The following GRAMD1A variants were observed in gnomAD, a reference collection of about 807,000 sequenced individuals.
The protein encoded by GRAMD1A is protein Aster-A.
In GRAMD1A, 50 loss-of-function variants were observed where a neutral mutation model predicts 92.0. That is an observed-to-expected ratio of 0.54 (90% CI 0.43 to 0.69). The LOEUF (loss-of-function observed/expected upper bound fraction) is 0.69, where lower values mean the gene tolerates loss of function less well. GRAMD1A is among the 30% of genes least tolerant of loss of function. GRAMD1A has a pLI of 0.00. For synonymous variants in GRAMD1A, 405 were observed against 403.6 expected, an observed-to-expected ratio of 1.00 and a Z score of -0.04; for missense variants, 819 against 978.9, an observed-to-expected ratio of 0.84 and a Z score of 2.18.
At chr19:35,015,203 T>G (rs531724822) in intron 10 of GRAMD1A, 3 of 152,294 alleles carry the variant, frequency 2.0e-5, no homozygotes, top group Non-Finnish European at 4.4e-5. Flanking sequence ...TTAAGTGATT[T>G]CATACATTTA....
chr19:34,997,317 G>A (rs562834839), upstream of GRAMD1A, among the ~76,000 whole-genome samples: 3 of 143,948 alleles, frequency 2.1e-5, no homozygotes, highest in South Asian at 6.5e-4. Context: ...GTGGCATTAT[G>A]TGTATTTCTA....
At chr19:34,995,961 C>A, upstream of GRAMD1A, 1 of 1,390,892 alleles carries the variant, frequency 7.2e-7, no homozygotes, top group Non-Finnish European at 9.6e-7. Flanking sequence ...TAAGCGGGAG[C>A]TCTATCCCTC....
rs569493177 is a variant in GRAMD1A at position 35,014,490 on chromosome 19, G to A, written c.1069+103G>A. Reference sequence around the variant, plus strand: ...CGCCCGCAGCACTGAGAATCCAGGGGCAGGCGGGATGGCGTTCAGGCGCTG... The same window carrying A: ...CGCCCGCAGCACTGAGAATCCAGGGACAGGCGGGATGGCGTTCAGGCGCTG... On this transcript the variant is annotated intron_variant, in intron 10 of 19. Transcript: ENST00000317991. The A allele has an allele frequency of 3.1e-4, 321 of 1,023,166 alleles. 8 individuals are homozygous for A. In the South Asian group the frequency reaches 4.2e-3, roughly 13 times the overall value. 63.4% of individuals were successfully genotyped at this position (1,023,166 alleles called of 1,614,324 possible). A position where few individuals can be genotyped will look rare whatever the true frequency, so the allele number is the denominator to read the frequency against.
rs749320191 is a variant in GRAMD1A at position 35,000,527 on chromosome 19, G to A, written c.8+41G>A. On this transcript the variant is annotated intron_variant, in intron 1 of 19. Coordinates refer to ENST00000317991, the MANE Select transcript of GRAMD1A (RefSeq NM_020895.5). The surrounding 1 kb of genome is among the most constrained non-coding windows in gnomAD (Gnocchi z 4.9). ...CTAGAGCTCAGGGACCGGGCGCGCG[G>A]GGGAGGCCACCGGAGGGAGGGGGCG... 10 of 1,255,026 alleles carry A rather than the reference G, an allele frequency of 8.0e-6. No individual in the cohort carries two copies. The South Asian group carries it at 1.9e-4, about 24-fold the overall frequency. 77.7% of individuals were successfully genotyped at this position (1,255,026 alleles called of 1,614,324 possible).
chr19:35,023,094 C>A, intron 17 of GRAMD1A, 142 bp from the exon 18 acceptor site: 1 of 804,824 alleles, frequency 1.2e-6, no homozygotes, highest in Non-Finnish European at 2.2e-6. Flanking sequence ...CTGTGCAACC[C>A]TAGGCATGTC....
chr19:35,016,812 G>C (rs913598797), intron 11 of GRAMD1A, among the ~76,000 whole-genome samples: 10 of 150,870 alleles, frequency 6.6e-5, no homozygotes, highest in Non-Finnish European at 1.0e-4. Context: ...GGCTAAGGCA[G>C]GAGAATCACT....
At chr19:34,997,165 C>T (rs555430862), upstream of GRAMD1A, among the ~76,000 whole-genome samples, 7 of 152,112 alleles carry the variant, frequency 4.6e-5, no homozygotes, top group African/African-American at 1.2e-4. Context: ...GCACCCTCCT[C>T]GGCCTCCCAA....
At position 35,014,367 on chromosome 19, in the gene GRAMD1A, C is replaced by G. The variant is rs977189616; in HGVS notation, c.1049C>G (p.Ser350Cys). 40 of 1,614,116 alleles carry G rather than the reference C, an allele frequency of 2.5e-5. No homozygotes were observed. The highest frequency in any genetic ancestry group is 3.4e-5 in the Non-Finnish European group (40 of 1,179,966). ...CTATTGACAGACACAAGTAACTCCT[C>G]TTCATCCACTGGGGAGGAAGGTGAG... ...EELLTDTSNSSSSTGEEADLA... is the reference protein window; with the variant it reads ...EELLTDTSNSCSSTGEEADLA... The change falls in exon 10 of 20, where the codon TCT (serine) becomes TGT (cysteine). Residue 350 changes from serine (S) to cysteine (C), a missense_variant. Around this residue, in one of 3 missense-constraint regions of GRAMD1A, gnomAD observed 577 missense variants for 674.6 expected, o/e 0.86. Coordinates refer to ENST00000317991, the MANE Select transcript of GRAMD1A (RefSeq NM_020895.5).
Position 35,014,284 on chromosome 19 carries a change from C to A in GRAMD1A, c.966C>A (p.Pro322=), listed in dbSNP as rs1312741525. 6.2e-7 allele frequency: 1 copy of A among 1,614,152 alleles called. No individual in the cohort carries two copies. Among genetic ancestry groups the A allele is most frequent in the Non-Finnish European group, 8.5e-7 (1 of 1,179,994 alleles). Residue 322 remains proline, a synonymous_variant, in exon 10 of 20, where the codon CCC becomes CCA. Coordinates refer to ENST00000317991, the MANE Select transcript of GRAMD1A (RefSeq NM_020895.5). ...TGGCTGAACCCCCGAGCACAGAGCC[C>A]ACCCAGCCTGACGGGCCCACCACCC... ...TPVAEPPSTE[P]TQPDGPTTLG...
chr19:35,008,739 C>T (rs1025814984), intron 1 of GRAMD1A, among the ~76,000 whole-genome samples: 3 of 152,150 alleles, frequency 2.0e-5, no homozygotes, highest in African/African-American at 7.2e-5. Flanking sequence ...ATCAGTTGAA[C>T]CCAGGAGGCA....
Position 35,009,102 on chromosome 19 carries a change from C to T in GRAMD1A, c.9-17C>T. 1 of 1,576,458 alleles carries T rather than the reference C, an allele frequency of 6.3e-7. No homozygotes were observed. The highest frequency in any genetic ancestry group is 8.7e-7 in the Non-Finnish European group (1 of 1,146,326). On this transcript the variant is annotated splice_polypyrimidine_tract_variant and intron_variant, in intron 1 of 19. Transcript: ENST00000317991. ...GTTTTTTCCAGTTAACACTTCTCTTCCTCTTCCTGCCCCCAGCACCACACC... is the reference window on the plus strand; with the variant it reads ...GTTTTTTCCAGTTAACACTTCTCTTTCTCTTCCTGCCCCCAGCACCACACC...
At position 35,014,215 on chromosome 19, in the gene GRAMD1A, A is replaced by G; in HGVS notation, c.897A>G (p.Val299=). Reference sequence around the variant, plus strand: ...CAGAGGAGGACAAGGAGGAGCAGGTAGACAGCCAGCCAGACGCCTCCTCCA... The same window carrying G: ...CAGAGGAGGACAAGGAGGAGCAGGTGGACAGCCAGCCAGACGCCTCCTCCA... The part of the protein sequence containing the change: ...HGAEEDKEEQ[V]DSQPDASSSQ... Residue 299 remains valine (V), a synonymous_variant, in exon 10 of 20, where the codon GTA becomes GTG. Coordinates refer to ENST00000317991, the MANE Select transcript of GRAMD1A (RefSeq NM_020895.5). 1 of 1,613,790 alleles carries G rather than the reference A, an allele frequency of 6.2e-7. No individual in the cohort carries two copies.
intron 10 of GRAMD1A, chr19:35,015,032 G>A (rs1355447948): frequency 6.4e-6 from 1 of 155,908 alleles, no homozygotes; most frequent in African/African-American, 2.4e-5. Flanking sequence ...GCCAGGCATG[G>A]GGTCATGCAC....
In GRAMD1A at chr19:35,021,578, G is replaced by A. The variant is rs769675585; in HGVS notation, c.1552G>A (p.Gly518Ser). Residue 518 changes from glycine to serine, a missense_variant, in exon 14 of 20, where the codon GGC (glycine) becomes AGC (serine). Physicochemically the swap from Gly to Ser is moderately conservative, Grantham distance 56. This residue lies in a region of GRAMD1A where 577 missense variants were observed against 674.6 expected (regional missense o/e 0.86). Transcript: ENST00000317991. The surrounding 1 kb of genome is among the most constrained non-coding windows in gnomAD (Gnocchi z 5.3). The stretch of plus-strand genomic sequence containing the variant: ...GCTCATTGAGAAGAACTCGTGGAGC[G>A]GCATTGAAGACTATTTCCACCATCT... ...KSLIEKNSWS[G>S]IEDYFHHLER... 7.4e-6 allele frequency: 12 copies of A among 1,613,986 alleles called. No homozygotes were observed. The highest frequency in any genetic ancestry group is 2.2e-5 in the East Asian group (1 of 44,892).
chr19:35,009,200 G>T lies in GRAMD1A; in HGVS notation c.90G>T (p.Arg30=). Residue 30 remains arginine, a synonymous_variant, in exon 2 of 20, where the codon CGG becomes CGT. Coordinates refer to ENST00000317991, the MANE Select transcript of GRAMD1A (RefSeq NM_020895.5). The part of the protein sequence containing the change: ...RKRLQLLPPS[R]PPPEPEPGTM... ...GGCTGCAGCTCCTGCCCCCAAGCCG[G>T]CCCCCACCTGAGCCAGAACCAGGCA... 6.2e-7 allele frequency: 1 copy of T among 1,613,642 alleles called. No individual in the cohort carries two copies. The highest frequency in any genetic ancestry group is 1.1e-5 in the South Asian group (1 of 91,082).
intron 1 of GRAMD1A, among the ~76,000 whole-genome samples, chr19:35,004,868 T>A (rs186632770): frequency 2.1e-3 from 322 of 152,198 alleles, no homozygotes; most frequent in Middle Eastern, 0.014. Flanking sequence ...CTCACCTCCA[T>A]CTCTGTGCAA....
At chr19:34,994,865 A>G (rs1318658829) in intron 1 of GRAMD1A, 1 of 152,330 alleles carries the variant, frequency 6.6e-6, no homozygotes, top group Non-Finnish European at 1.5e-5. Context: ...GGAAGATCCA[A>G]GCCCGGCCTA....
At chr19:35,008,305 G>C (rs1439188895) in intron 1 of GRAMD1A, among the ~76,000 whole-genome samples, 2 of 152,130 alleles carry the variant, frequency 1.3e-5, no homozygotes, top group East Asian at 3.9e-4. Flanking sequence ...CTCCAGCCTA[G>C]GTGACAGAGT....
intron 1 of GRAMD1A, among the ~76,000 whole-genome samples, chr19:35,003,257 A>G (rs1568316299): frequency 2.6e-5 from 4 of 151,976 alleles, no homozygotes; most frequent in Admixed American, 1.3e-4. Flanking sequence ...CTACTGTGTG[A>G]CAATCATTGA....
Sources: allele counts gnomAD v4.1 joint callset (sites outside exome capture counted in the v4.1 genomes callset), GRCh38; gene constraint gnomAD v4.1.1; regional missense constraint gnomAD v4.1.1; non-coding constraint Gnocchi (gnomAD v3.1); transcripts MANE v1.5; gene names NCBI Gene and HGNC (gene_info 2026-07-23, HGNC 2026-07-21).